CCBE1: variants seen among roughly 807,000 people sequenced by gnomAD.
CCBE1 encodes collagen and calcium binding EGF domains 1, also known as collagen and calcium-binding EGF domain-containing protein 1.
In CCBE1, 37 loss-of-function variants were observed where a neutral mutation model predicts 50.0. The ratio of observed to expected loss-of-function variants is 0.74; its 90% CI spans 0.57 to 0.97. The LOEUF is 0.97. CCBE1 is among the 50% of genes least tolerant of loss of function. The probability of loss-of-function intolerance (pLI) is 0.00; values close to 1 mark genes in which losing one functional copy is unlikely to be tolerated. For missense variants in CCBE1, 538 were observed against 523.8 expected (o/e 1.03, Z -0.26); for synonymous variants, 234 against 203.7 (o/e 1.15, Z -1.27).
chr18:59,593,154 T>C (rs1274241596), intron 2 of CCBE1, among the ~76,000 whole-genome samples: 1 of 152,168 alleles, frequency 6.6e-6, no homozygotes, highest in African/African-American at 2.4e-5. Context: ...CACAAAAGCA[T>C]GTGACTTATA....
intron 3 of CCBE1, among the ~76,000 whole-genome samples, chr18:59,472,426 C>T (rs1343883554): frequency 1.3e-5 from 2 of 152,244 alleles, no homozygotes; most frequent in Non-Finnish European, 2.9e-5. Context: ...TCTACATATT[C>T]AGTTTTCTAC....
chr18:59,480,032 C>T (rs1353520500), intron 3 of CCBE1, among the ~76,000 whole-genome samples, 154 bp downstream of exon 3: 7 of 152,102 alleles, frequency 4.6e-5, no homozygotes, highest in South Asian at 2.1e-4. Flanking sequence ...ACAAAATTGG[C>T]GTCAGAAAAA....
chr18:59,441,191 G>T (rs891054431), intron 7 of CCBE1, among the ~76,000 whole-genome samples: 3 of 152,146 alleles, frequency 2.0e-5, no homozygotes, highest in African/African-American at 7.2e-5. Context: ...ATGATGTCTG[G>T]CATTCAATCC....
At chr18:59,611,360 G>T (rs548399989) in intron 2 of CCBE1, among the ~76,000 whole-genome samples, 1 of 152,354 alleles carries the variant, frequency 6.6e-6, no homozygotes, top group South Asian at 2.1e-4. Context: ...AAATGGAAAT[G>T]CATGGCCAAA....
intron 2 of CCBE1, among the ~76,000 whole-genome samples, chr18:59,482,505 T>C (rs889067194): frequency 6.6e-6 from 1 of 152,232 alleles, no homozygotes. Flanking sequence ...CATAGGTTTA[T>C]TGCAGCACTA....
chr18:59,466,399 C>T (rs1038430226), intron 5 of CCBE1, among the ~76,000 whole-genome samples: 3 of 152,042 alleles, frequency 2.0e-5, no homozygotes, highest in Non-Finnish European at 1.5e-5. Flanking sequence ...TGCCTTCCAC[C>T]GTGATTGTGA....
chr18:59,681,629 C>G (rs2054589529), intron 2 of CCBE1, among the ~76,000 whole-genome samples: 2 of 152,192 alleles, frequency 1.3e-5, no homozygotes, highest in African/African-American at 4.8e-5. Flanking sequence ...CAGCCAGGGC[C>G]CTTAACACTT....
At chr18:59,544,244 GCTCCTTTTTGGC>G (rs1436583619) in intron 2 of CCBE1, among the ~76,000 whole-genome samples, 1 of 152,148 alleles carries the variant, frequency 6.6e-6, no homozygotes, top group Non-Finnish European at 1.5e-5. Flanking sequence ...GATTTACTAT[GCTCCTTTTTGGC>G]CTCCTTGAAG....
At chr18:59,673,716 T>C (rs1484625837) in intron 2 of CCBE1, among the ~76,000 whole-genome samples, 1 of 152,236 alleles carries the variant, frequency 6.6e-6, no homozygotes, top group East Asian at 1.9e-4. Flanking sequence ...GTTTTTGTCA[T>C]TGGTTCTGTT....
At chr18:59,550,204 T>G (rs753045571) in intron 2 of CCBE1, among the ~76,000 whole-genome samples, 4 of 152,070 alleles carry the variant, frequency 2.6e-5, no homozygotes, top group Non-Finnish European at 5.9e-5. Context: ...TGGGCAAGCT[T>G]CCTCTAATTC....
intron 2 of CCBE1, among the ~76,000 whole-genome samples, chr18:59,605,825 A>G (rs891776258): frequency 3.3e-5 from 5 of 152,180 alleles, no homozygotes; most frequent in African/African-American, 1.2e-4. Context: ...CAAGTGGACG[A>G]CTGCTAGGGG....
At chr18:59,635,268 A>T (rs114889482) in intron 2 of CCBE1, among the ~76,000 whole-genome samples, 2,332 of 152,356 alleles carry the variant, frequency 0.015, 33 homozygotes, top group Middle Eastern at 0.054. Flanking sequence ...GGCTAAACTG[A>T]CATTCAAGAA....
In CCBE1 at chr18:59,671,780, T is replaced by C. The variant is rs560166264; in HGVS notation, c.212+24849A>G. Among the ~76,000 whole-genome samples, 10 of 141,902 alleles carry C rather than the reference T, an allele frequency of 7.0e-5. No homozygotes were observed. The East Asian group carries it at 1.8e-3, about 26-fold the overall frequency. 93.1% of individuals were successfully genotyped at this position (141,902 alleles called of 152,430 possible). ...GGCATTCTCAAAGGCTGCTATTATG[T>C]GTCAGATTAGATAAAAGGATGGTGG... On this transcript the variant is annotated intron_variant, in intron 2 of 10. Transcript: ENST00000439986.
In CCBE1 at chr18:59,604,562, C is replaced by T. The variant is rs1286474489; in HGVS notation, c.212+92067G>A. On this transcript the variant is annotated intron_variant, in intron 2 of 10. Transcript: ENST00000439986. ...AACATACTAAGTAAGTGGCTACAGT[C>T]ACCTGTATTTAAAAGGAGAGCTGAT... is the stretch of plus-strand genomic sequence containing the variant. Among the ~76,000 whole-genome samples, 5 of 152,186 alleles carry T rather than the reference C, an allele frequency of 3.3e-5. No individual in the cohort carries two copies. In the East Asian group the frequency reaches 9.6e-4, roughly 29 times the overall value.
At chr18:59,498,633 A>C (rs1257849872) in intron 2 of CCBE1, among the ~76,000 whole-genome samples, 1 of 152,242 alleles carries the variant, frequency 6.6e-6, no homozygotes, top group Non-Finnish European at 1.5e-5. Flanking sequence ...TGTTTCATAA[A>C]CATGAGTTTG....
chr18:59,469,535 C>T lies in CCBE1; in HGVS notation c.338G>A (p.Cys113Tyr). ...CCGGTCATATCGGTATCCCGGATAA[C>T]AAGTACACAGCACTCGGCCAAAGTT... ...TDNFGRVLCT[C>Y]YPGYRYDRER... is the part of the protein sequence containing the mutation. Residue 113 changes from cysteine to tyrosine, a missense_variant, in exon 4 of 11, where the codon TGT (cysteine) becomes TAT (tyrosine). Cys to Tyr is a radical substitution (Grantham distance 194, BLOSUM62 -2). Coordinates refer to ENST00000439986, the MANE Select transcript of CCBE1 (RefSeq NM_133459.4). 5.0e-6 allele frequency: 8 copies of T among 1,614,222 alleles called. No homozygotes were observed. Among genetic ancestry groups the T allele is most frequent in the Non-Finnish European group, 6.8e-6 (8 of 1,180,044 alleles).
chr18:59,446,635 C>A (rs1373454122), intron 7 of CCBE1, among the ~76,000 whole-genome samples: 1 of 152,184 alleles, frequency 6.6e-6, no homozygotes, highest in Non-Finnish European at 1.5e-5. Flanking sequence ...AGCTTTTGTT[C>A]TTGCTGACTT....
intron 2 of CCBE1, among the ~76,000 whole-genome samples, chr18:59,564,606 G>C (rs2052791081): frequency 6.6e-6 from 1 of 152,200 alleles, no homozygotes; most frequent in African/African-American, 2.4e-5. Context: ...GTATTTCACT[G>C]ATCTTACCAA....
At chr18:59,515,416 G>A (rs1041153969) in intron 2 of CCBE1, among the ~76,000 whole-genome samples, 3 of 152,176 alleles carry the variant, frequency 2.0e-5, no homozygotes, top group African/African-American at 7.2e-5. Context: ...ATGGCCTTCA[G>A]CTGCAATGTG....
Sources: allele counts gnomAD v4.1 joint callset (sites outside exome capture counted in the v4.1 genomes callset), GRCh38; gene constraint gnomAD v4.1.1; transcripts MANE v1.5; gene names NCBI Gene and HGNC (gene_info 2026-07-23, HGNC 2026-07-21).